RANBP2: variants seen among roughly 807,000 people sequenced by gnomAD.
RANBP2 encodes RAN binding protein 2.
Under a neutral mutation model 303.6 loss-of-function variants are expected in RANBP2, and 57 were observed. The ratio of observed to expected loss-of-function variants is 0.19; its 90% CI spans 0.15 to 0.23. The LOEUF (loss-of-function observed/expected upper bound fraction) is 0.23. Ranked by LOEUF, RANBP2 falls within the 10% of genes least tolerant of loss-of-function variation. The pLI is 1.00. For missense variants in RANBP2, 3,138 were observed against 3,780.8 expected, an observed-to-expected ratio of 0.83 and a Z score of 4.46; for synonymous variants, 1,167 against 1,301.5, an observed-to-expected ratio of 0.90 and a Z score of 2.23.
At chr2:109,074,525 C>A in the RANBP2 span, among the ~76,000 whole-genome samples, 1 of 150,204 alleles carries the variant, frequency 6.7e-6, no homozygotes, top group African/African-American at 2.4e-5. Flanking sequence ...CATGATGAAG[C>A]CCCATCTCTA....
the RANBP2 span, among the ~76,000 whole-genome samples, chr2:109,400,795 G>A: frequency 6.6e-6 from 1 of 152,234 alleles, no homozygotes; most frequent in African/African-American, 2.4e-5. Flanking sequence ...TAACCGTGCA[G>A]TCATCTGCCC....
At chr2:108,929,112 C>A in the RANBP2 span, 1 of 1,498,330 alleles carries the variant, frequency 6.7e-7, no homozygotes, top group African/African-American at 1.4e-5. Context: ...GTATCCATGA[C>A]CCCTGTTCCC....
In RANBP2 at chr2:108,723,918, TTGTC is replaced by T. The variant is rs910105782; in HGVS notation, c.72+4246_72+4249del. 2.7e-5 allele frequency among the ~76,000 whole-genome samples: 4 copies of T among 146,708 alleles called. No individual in the cohort carries two copies. The East Asian group carries it at 7.8e-4, about 29-fold the overall frequency. ...ATTGATTGATTGATTGATTGATTGA[TTGTC>T]TGTCTACCTGGAATACCCTTACTAA... On this transcript the variant is annotated intron_variant, in intron 1 of 28. Coordinates refer to ENST00000283195, the MANE Select transcript of RANBP2 (RefSeq NM_006267.5).
chr2:108,800,426 G>A, the RANBP2 span, among the ~76,000 whole-genome samples: 3 of 151,580 alleles, frequency 2.0e-5, no homozygotes, highest in Non-Finnish European at 2.9e-5. Context: ...CACCATGCCC[G>A]GCTAATTTTT....
chr2:109,257,486 C>G, the RANBP2 span, among the ~76,000 whole-genome samples: 22 of 152,122 alleles, frequency 1.4e-4, no homozygotes, highest in South Asian at 4.6e-3. Flanking sequence ...AGCAGCTGCC[C>G]TGAAGTCTGT....
the RANBP2 span, among the ~76,000 whole-genome samples, chr2:109,126,536 A>T: frequency 1.3e-5 from 2 of 152,302 alleles, no homozygotes; most frequent in Admixed American, 1.3e-4. Flanking sequence ...ACTGGTCCAT[A>T]CTAGTGATAG....
At chr2:109,661,905 T>C in the RANBP2 span, among the ~76,000 whole-genome samples, 2 of 152,188 alleles carry the variant, frequency 1.3e-5, no homozygotes, top group Non-Finnish European at 2.9e-5. Flanking sequence ...TAAGCTTGAC[T>C]TCTCCCTCTT....
the RANBP2 span, among the ~76,000 whole-genome samples, chr2:109,582,235 C>T: frequency 6.6e-6 from 1 of 152,086 alleles, no homozygotes; most frequent in East Asian, 1.9e-4. Flanking sequence ...AAAAAATGCT[C>T]ATGGAATCAA....
chr2:108,872,903 T>G, the RANBP2 span, among the ~76,000 whole-genome samples: 2 of 152,182 alleles, frequency 1.3e-5, no homozygotes, highest in Non-Finnish European at 2.9e-5. Flanking sequence ...TTGTAATAGC[T>G]TCAACATAAA....
chr2:109,654,849 G>A, the RANBP2 span, among the ~76,000 whole-genome samples: 4 of 151,928 alleles, frequency 2.6e-5, no homozygotes, highest in African/African-American at 4.8e-5. Context: ...GGAATGTGGC[G>A]TGACCTCTCA....
the RANBP2 span, among the ~76,000 whole-genome samples, chr2:109,400,034 G>A: frequency 2.0e-5 from 3 of 152,222 alleles, no homozygotes; most frequent in Non-Finnish European, 2.9e-5. Flanking sequence ...GCTGATCTGC[G>A]GGGAATCATG....
chr2:109,078,557 G>A, the RANBP2 span, among the ~76,000 whole-genome samples: 1 of 149,116 alleles, frequency 6.7e-6, no homozygotes, highest in African/African-American at 2.4e-5. Context: ...AGGATATGAA[G>A]CTTCAGTTAT....
chr2:109,600,731 G>C, the RANBP2 span, among the ~76,000 whole-genome samples: 1 of 151,932 alleles, frequency 6.6e-6, no homozygotes, highest in East Asian at 1.9e-4. Context: ...ACAGACTGAG[G>C]GCTAGTCCCC....
At chr2:109,314,012 G>T in the RANBP2 span, among the ~76,000 whole-genome samples, 6 of 152,208 alleles carry the variant, frequency 3.9e-5, no homozygotes, top group Non-Finnish European at 7.3e-5. Context: ...AGGAGTACCA[G>T]GCTGTGGGAC....
At chr2:109,240,593 G>A in the RANBP2 span, among the ~76,000 whole-genome samples, 1 of 152,144 alleles carries the variant, frequency 6.6e-6, no homozygotes, top group Non-Finnish European at 1.5e-5. Flanking sequence ...TGGATAAATA[G>A]GTTTTTCATT....
the RANBP2 span, chr2:108,804,825 C>T: frequency 7.5e-7 from 1 of 1,335,538 alleles, no homozygotes; most frequent in Non-Finnish European, 9.7e-7. Flanking sequence ...ATTCACGTTC[C>T]ATAGTATTAG....
chr2:109,711,798 A>T, the RANBP2 span, among the ~76,000 whole-genome samples: 1 of 151,642 alleles, frequency 6.6e-6, no homozygotes, highest in Non-Finnish European at 1.5e-5. Flanking sequence ...GTCTCGGTCT[A>T]TTTTCTCTTC....
chr2:109,495,362 T>C, the RANBP2 span, among the ~76,000 whole-genome samples: 2 of 152,102 alleles, frequency 1.3e-5, no homozygotes, highest in Non-Finnish European at 2.9e-5. Flanking sequence ...GCCCACTGGA[T>C]GCCTGCCTCC....
chr2:109,150,418 G>T, the RANBP2 span, among the ~76,000 whole-genome samples: 8 of 152,134 alleles, frequency 5.3e-5, no homozygotes, highest in African/African-American at 1.9e-4. Context: ...TTATTTATGA[G>T]CCTGGAACTA....
Sources: allele counts gnomAD v4.1 joint callset (sites outside exome capture counted in the v4.1 genomes callset), GRCh38; gene constraint gnomAD v4.1.1; transcripts MANE v1.5; gene names NCBI Gene and HGNC (gene_info 2026-07-23, HGNC 2026-07-21).